The following TRAK1 variants were observed in gnomAD, a reference collection of about 807,000 sequenced individuals.
TRAK1 encodes the protein trafficking kinesin protein 1, also known as trafficking kinesin-binding protein 1.
A neutral mutation model predicts 92.1 loss-of-function variants in TRAK1; 33 were observed. That is an observed-to-expected ratio of 0.36 (90% confidence interval 0.27 to 0.48). The LOEUF (loss-of-function observed/expected upper bound fraction) is 0.48. TRAK1 is among the 20% of genes least tolerant of loss of function. TRAK1 has a pLI of 0.99. For missense variants in TRAK1, 1,123 were observed against 1,257.9 expected (o/e 0.89, Z 1.62); for synonymous variants, 521 against 517.3 (o/e 1.01, Z -0.10).
chr3:42,101,217 A>C (rs1263383236), intron 1 of TRAK1, among the ~76,000 whole-genome samples: 1 of 152,238 alleles, frequency 6.6e-6, no homozygotes, highest in Non-Finnish European at 1.5e-5. Flanking sequence ...CCACACAGGC[A>C]TGCTTAGAGC....
upstream of TRAK1, among the ~76,000 whole-genome samples, chr3:42,086,794 C>G (rs547261339): frequency 1.8e-4 from 28 of 152,208 alleles, no homozygotes; most frequent in East Asian, 5.2e-3. Context: ...GTGTATAAAT[C>G]CTGTAGGAAT....
intron 2 of TRAK1, among the ~76,000 whole-genome samples, chr3:42,146,970 CT>C (rs1370728103): frequency 1.3e-5 from 2 of 152,118 alleles, no homozygotes; most frequent in African/African-American, 2.4e-5. Context: ...AACTATTTGC[CT>C]GTTTATAAGG....
At chr3:42,015,546 CCT>C (rs1166133752) in intron 1 of TRAK1, among the ~76,000 whole-genome samples, 1 of 152,136 alleles carries the variant, frequency 6.6e-6, no homozygotes, top group East Asian at 1.9e-4. Flanking sequence ...CCTGCTCTCC[CCT>C]CTCTGGGAGA....
At chr3:42,171,387 A>G (rs1360455509) in intron 2 of TRAK1, among the ~76,000 whole-genome samples, 1 of 152,120 alleles carries the variant, frequency 6.6e-6, no homozygotes, top group East Asian at 1.9e-4. Context: ...TTCTAACTAT[A>G]TTTTCTTAAA....
At chr3:42,140,210 G>A (rs1448314491) in intron 2 of TRAK1, among the ~76,000 whole-genome samples, 1 of 152,174 alleles carries the variant, frequency 6.6e-6, no homozygotes, top group Non-Finnish European at 1.5e-5. Flanking sequence ...CCCTGGAGGT[G>A]GGTTGGTGCC....
At chr3:42,166,484 T>C (rs1231509921) in intron 2 of TRAK1, among the ~76,000 whole-genome samples, 2 of 152,222 alleles carry the variant, frequency 1.3e-5, no homozygotes, top group Admixed American at 6.5e-5. Context: ...AAGTCCATGG[T>C]TGTGTCTCTC....
At chr3:42,120,259 A>G (rs1709680497) in intron 1 of TRAK1, among the ~76,000 whole-genome samples, 1 of 152,092 alleles carries the variant, frequency 6.6e-6, no homozygotes, top group Non-Finnish European at 1.5e-5. Flanking sequence ...ACCTGAAGCC[A>G]TGGACCTTTG....
intron 1 of TRAK1, among the ~76,000 whole-genome samples, chr3:42,030,362 T>TAAAAAAA (rs778274238): frequency 2.3e-5 from 3 of 130,396 alleles, no homozygotes; most frequent in Non-Finnish European, 1.6e-5. Flanking sequence ...ACCCTGTCTC[T>TAAAAAAA]AAAAAAAAAA....
At chr3:42,167,736 T>C (rs528489089) in intron 2 of TRAK1, among the ~76,000 whole-genome samples, 164 of 152,126 alleles carry the variant, frequency 1.1e-3, no homozygotes, top group African/African-American at 3.8e-3. Context: ...AAAAATTAGC[T>C]GGGCGTGGTG....
intron 1 of TRAK1, among the ~76,000 whole-genome samples, chr3:42,080,003 T>G (rs535656416): frequency 1.4e-4 from 21 of 152,210 alleles, no homozygotes; most frequent in African/African-American, 4.8e-4. Flanking sequence ...CCTGGAGTGG[T>G]ATAGCTGGAA....
intron 2 of TRAK1, among the ~76,000 whole-genome samples, chr3:42,140,439 C>G (rs372313391): frequency 3.2e-4 from 49 of 152,238 alleles, no homozygotes; most frequent in African/African-American, 1.1e-3. Flanking sequence ...ACCATTCTGG[C>G]TCGATGGTGA....
intron 1 of TRAK1, among the ~76,000 whole-genome samples, chr3:42,037,339 T>C (rs1038777075): frequency 6.6e-6 from 1 of 152,232 alleles, no homozygotes; most frequent in Non-Finnish European, 1.5e-5. Context: ...CACTGGCTTA[T>C]GGATTTTGTT....
upstream of TRAK1, among the ~76,000 whole-genome samples, chr3:42,013,637 C>A (rs1463892750): frequency 1.3e-5 from 2 of 148,578 alleles, no homozygotes; most frequent in African/African-American, 2.4e-5. The surrounding 1 kb of genome is among the most constrained non-coding windows in gnomAD (Gnocchi z 5.1). Flanking sequence ...GAGGTGCAAG[C>A]CGCCCGCTCG....
chr3:42,092,718 GTTATGTTA>G (rs1705271713), intron 1 of TRAK1, among the ~76,000 whole-genome samples: 4 of 129,452 alleles, frequency 3.1e-5, no homozygotes, highest in Admixed American at 8.8e-5. Context: ...GTTGTGTTAT[GTTATGTTA>G]TGTTATGTTA....
At chr3:42,084,603 G>T (rs1704587046), upstream of TRAK1, among the ~76,000 whole-genome samples, 1 of 152,142 alleles carries the variant, frequency 6.6e-6, no homozygotes, top group African/African-American at 2.4e-5. Context: ...AGCTTCCCTT[G>T]GCTTCAGCCG....
At chr3:42,188,815 A>C (rs1160531901) in intron 5 of TRAK1, among the ~76,000 whole-genome samples, 1 of 152,136 alleles carries the variant, frequency 6.6e-6, no homozygotes, top group African/African-American at 2.4e-5. Flanking sequence ...GTGATGTGGC[A>C]AGTTGTGGAT....
Position 42,073,730 on chromosome 3 carries a change from A to G in TRAK1, c.-518-13374A>G, listed in dbSNP as rs112933904. Among the ~76,000 whole-genome samples, 718 of 152,218 alleles carry G rather than the reference A, an allele frequency of 4.7e-3. 4 individuals carry two copies. Among genetic ancestry groups the G allele is most frequent in the African/African-American group, 0.016 (663 of 41,542 alleles). On this transcript the variant is annotated intron_variant, in intron 1 of 16. Coordinates refer to the TRAK1 transcript ENST00000487159. ...CTCCCACCTGTTCAACTTTTACATG[A>G]TATTTTCCACTGCGCAGCCACTTGT...
chr3:42,035,893 C>T (rs78388285), intron 1 of TRAK1, among the ~76,000 whole-genome samples: 3,280 of 152,322 alleles, frequency 0.022, 115 homozygotes, highest in African/African-American at 0.074. Flanking sequence ...TCTGCCCACC[C>T]CCAAACCCTA....
At chr3:42,126,013 G>T (rs897978092) in intron 2 of TRAK1, among the ~76,000 whole-genome samples, 1 of 151,974 alleles carries the variant, frequency 6.6e-6, no homozygotes, top group Non-Finnish European at 1.5e-5. Context: ...ACCATGCCCG[G>T]CTAATTTTTG....
Sources: gnomAD v4.1 joint callset for allele counts (sites outside exome capture counted in the v4.1 genomes callset) on GRCh38, gnomAD v4.1.1 for gene constraint, Gnocchi (gnomAD v3.1) non-coding constraint, MANE v1.5 for transcripts, NCBI Gene and HGNC (gene_info 2026-07-23, HGNC 2026-07-21) for gene names.